The following ABCB1 variants were observed in gnomAD, a reference collection of about 807,000 sequenced individuals.
ABCB1 encodes ATP binding cassette subfamily B member 1, also known as ATP-dependent translocase ABCB1.
In ABCB1, 69 loss-of-function variants were observed where a neutral mutation model predicts 142.0. The observed-to-expected ratio is 0.49, with a 90% CI of 0.40 to 0.59. The LOEUF (loss-of-function observed/expected upper bound fraction) is 0.59. ABCB1 is among the 20% of genes least tolerant of loss of function. The pLI, the probability that ABCB1 is intolerant of heterozygous loss-of-function variation, is 0.00. For missense variants in ABCB1, 1,326 were observed against 1,554.7 expected, an observed-to-expected ratio of 0.85 and a Z score of 2.47; for synonymous variants, 532 against 539.2, an observed-to-expected ratio of 0.99 and a Z score of 0.18.
At chr7:87,675,676 A>G (rs1473223600) in intron 1 of ABCB1, among the ~76,000 whole-genome samples, 2 of 150,538 alleles carry the variant, frequency 1.3e-5, no homozygotes, top group East Asian at 1.9e-4. Context: ...AAAAAAAGGA[A>G]AAAGAAAGAA....
chr7:87,567,079 C>T (rs577999669), intron 5 of ABCB1, 103 bp from the exon 6 acceptor site: 6 of 1,074,426 alleles, frequency 5.6e-6, no homozygotes, highest in East Asian at 2.5e-5. Context: ...CTGGGTATCT[C>T]GCCATCCTTA....
At chr7:87,605,766 C>T (rs1256130635), upstream of ABCB1, among the ~76,000 whole-genome samples, 3 of 152,094 alleles carry the variant, frequency 2.0e-5, no homozygotes, top group Non-Finnish European at 4.4e-5. Flanking sequence ...AAGACAAAAA[C>T]AGCATATTCC....
chr7:87,526,315 C>G (rs1470536243), intron 21 of ABCB1, among the ~76,000 whole-genome samples: 1 of 152,100 alleles, frequency 6.6e-6, no homozygotes. Flanking sequence ...GTTCTTCTCT[C>G]TGGTGGCTCT....
At chr7:87,595,859 AT>A (rs1361045790) in intron 2 of ABCB1, 45 bp from the exon 3 acceptor site, 11 of 1,453,050 alleles carry the variant, frequency 7.6e-6, no homozygotes, top group African/African-American at 1.4e-5. Context: ...AAAAGTACAT[AT>A]TTTTTAAATT....
intron 1 of ABCB1, among the ~76,000 whole-genome samples, chr7:87,620,565 G>A (rs530261456): frequency 2.0e-5 from 3 of 152,114 alleles, no homozygotes; most frequent in African/African-American, 7.2e-5. Context: ...CGTGGAATTG[G>A]TATTCCAGTA....
chr7:87,616,179 T>C (rs1475529114), intron 1 of ABCB1, among the ~76,000 whole-genome samples: 1 of 152,234 alleles, frequency 6.6e-6, no homozygotes, highest in African/African-American at 2.4e-5. Context: ...TGTCTATTAC[T>C]CGGAATAATA....
At chr7:87,515,184 T>G in intron 25 of ABCB1, 47 bp downstream of exon 25, 2 of 1,604,418 alleles carry the variant, frequency 1.2e-6, no homozygotes, top group Non-Finnish European at 1.7e-6. Context: ...ATTCAGACAT[T>G]TGGATGATGA....
chr7:87,694,640 A>G (rs1468234647), intron 1 of ABCB1, among the ~76,000 whole-genome samples: 3 of 152,154 alleles, frequency 2.0e-5, no homozygotes, highest in African/African-American at 7.2e-5. Context: ...GACACACATT[A>G]TACTTGATTT....
In ABCB1 at chr7:87,659,781, G is replaced by T. The variant is rs187148570; in HGVS notation, c.-331+53380C>A. 4.6e-4 allele frequency among the ~76,000 whole-genome samples: 70 copies of T among 152,218 alleles called. 1 individual carries two copies. Among genetic ancestry groups the T allele is most frequent in the African/African-American group, 1.6e-3 (67 of 41,554 alleles). On this transcript the variant is annotated intron_variant, in intron 1 of 28. Coordinates refer to the ABCB1 transcript ENST00000265724. The stretch of plus-strand genomic sequence containing the variant: ...GTCTTCCTTTTTATCTCCACCTTCA[G>T]AATCTTTTAATGTTTGTTTTCATAA...
intron 1 of ABCB1, among the ~76,000 whole-genome samples, chr7:87,609,867 T>A (rs890777658): frequency 7.3e-5 from 11 of 150,598 alleles, no homozygotes; most frequent in Admixed American, 1.3e-4. Context: ...AAAAAAAAAA[T>A]GTGAAGGAAT....
In ABCB1 at chr7:87,531,351, C is replaced by G. The variant is rs2117130215; in HGVS notation, c.2628G>C (p.Met876Ile). The G allele has an allele frequency of 1.2e-6, 2 of 1,613,476 alleles. No homozygotes were observed. Among genetic ancestry groups the G allele is most frequent in the Middle Eastern group, 1.7e-4 (1 of 6,050 alleles). The stretch of plus-strand genomic sequence containing the variant: ...TCAGTGCTTGTCCAGACAACATTTT[C>G]ATTTCAACAACTCCTGCTATTGCAA... ...PIIAIAGVVE[M>I]KMLSGQALKD... Residue 876 changes from methionine (M) to isoleucine (I), a missense_variant, in exon 21 of 28, where the codon ATG (methionine) becomes ATC (isoleucine). Met to Ile is a conservative substitution (Grantham distance 10). Coordinates refer to ENST00000622132, the MANE Select transcript of ABCB1 (RefSeq NM_001348946.2).
intron 3 of ABCB1, among the ~76,000 whole-genome samples, chr7:87,590,056 A>G (rs1383648630): frequency 6.6e-6 from 1 of 152,158 alleles, no homozygotes; most frequent in Non-Finnish European, 1.5e-5. Context: ...CATGACTTGG[A>G]TTTGAGAGAG....
At position 87,504,434 on chromosome 7, in the gene ABCB1, G is replaced by A. The variant is rs776490673; in HGVS notation, c.3652C>T (p.Leu1218=). ...TESEKVVQEA[L]DKAREGRTCI... ...GTGCGGCCTTCTCTGGCTTTGTCCA[G>A]GGCTTCTTGGACAACCTATTCCATA... The change falls in exon 28 of 28, where the codon CTG becomes TTG. Residue 1218 remains leucine, a synonymous_variant. Coordinates refer to ENST00000622132, the MANE Select transcript of ABCB1 (RefSeq NM_001348946.2). The A allele has an allele frequency of 2.5e-6, 4 of 1,614,072 alleles. No homozygotes were observed. The highest frequency in any genetic ancestry group is 2.5e-6 in the Non-Finnish European group (3 of 1,179,948).
At chr7:87,521,647 T>C in intron 21 of ABCB1, 2 of 816,678 alleles carry the variant, frequency 2.4e-6, no homozygotes, top group South Asian at 1.3e-5. Context: ...GTTTGTCACA[T>C]ATGCCACTGT....
intron 1 of ABCB1, among the ~76,000 whole-genome samples, chr7:87,662,985 T>C (rs1824863954): frequency 1.3e-5 from 2 of 152,132 alleles, no homozygotes; most frequent in African/African-American, 2.4e-5. Flanking sequence ...AGTTTATTTC[T>C]AGGTATTTTA....
At chr7:87,523,384 T>G (rs560146357) in intron 21 of ABCB1, among the ~76,000 whole-genome samples, 1 of 152,156 alleles carries the variant, frequency 6.6e-6, no homozygotes, top group Non-Finnish European at 1.5e-5. Flanking sequence ...TCCCAGCAGT[T>G]TGGGAGATGG....
At chr7:87,663,356 G>A (rs753291187) in intron 1 of ABCB1, among the ~76,000 whole-genome samples, 3 of 151,880 alleles carry the variant, frequency 2.0e-5, no homozygotes, top group African/African-American at 7.3e-5. Context: ...CCATCTCGTT[G>A]TCCAGTTCAG....
chr7:87,591,308 A>T lies in ABCB1; in HGVS notation c.117+4458T>A, dbSNP rs554655080. Among the ~76,000 whole-genome samples the T allele has an allele frequency of 2.0e-5, 3 of 152,332 alleles. No individual in the cohort carries two copies. The East Asian group carries it at 5.8e-4, about 29-fold the overall frequency. ...TAGCCCAGTAAAACTTCGATTCCAG[A>T]ACAGTAAGGTAATAAACTTGTGTTG... On this transcript the variant is annotated intron_variant, in intron 3 of 27. Transcript: ENST00000622132.
intron 1 of ABCB1, among the ~76,000 whole-genome samples, chr7:87,617,647 G>T (rs987001320): frequency 2.6e-5 from 4 of 152,192 alleles, no homozygotes; most frequent in Admixed American, 2.6e-4. Context: ...CTTTAGGGAA[G>T]CTAAAGAAAT....
Sources: allele counts gnomAD v4.1 joint callset (sites outside exome capture counted in the v4.1 genomes callset), GRCh38; gene constraint gnomAD v4.1.1; transcripts MANE v1.5; gene names NCBI Gene and HGNC (gene_info 2026-07-23, HGNC 2026-07-21).